The following SNX2 variants were observed in gnomAD, a reference collection of about 807,000 sequenced individuals.
The protein encoded by SNX2 is sorting nexin-2.
SNX2 carries 25 observed loss-of-function variants against 69.9 expected under a neutral mutation model. That is an observed-to-expected ratio of 0.36 (90% CI 0.26 to 0.50). SNX2 has a LOEUF of 0.50. Ranked by LOEUF, SNX2 falls within the 20% of genes least tolerant of loss-of-function variation. The pLI is 0.97. For missense variants in SNX2, 551 were observed against 613.3 expected, an observed-to-expected ratio of 0.90 and a Z score of 1.07; for synonymous variants, 229 against 200.4, an observed-to-expected ratio of 1.14 and a Z score of -1.20.
At chr5:122,821,987 T>C (rs1231743289) in intron 11 of SNX2, among the ~76,000 whole-genome samples, 4 of 152,200 alleles carry the variant, frequency 2.6e-5, no homozygotes, top group Admixed American at 2.0e-4. Flanking sequence ...TAAACCTACA[T>C]GTTTCTTTTT....
intron 7 of SNX2, among the ~76,000 whole-genome samples, chr5:122,815,252 A>G (rs1387728846): frequency 6.6e-6 from 1 of 152,112 alleles, no homozygotes; most frequent in African/African-American, 2.4e-5. Flanking sequence ...CGTTTATTTG[A>G]TTTTGTATGG....
chr5:122,806,171 C>T (rs191110947), intron 6 of SNX2, among the ~76,000 whole-genome samples: 6,959 of 146,646 alleles, frequency 0.047, 265 homozygotes, highest in Non-Finnish European at 0.076. Flanking sequence ...CACACACAGC[C>T]CACCATTCCA....
In SNX2 at chr5:122,820,713, A is replaced by G. The variant is rs563004212; in HGVS notation, c.1212+1690A>G. 3.7e-3 allele frequency among the ~76,000 whole-genome samples: 561 copies of G among 152,222 alleles called. 4 individuals are homozygous for G. The highest frequency in any genetic ancestry group is 0.012 in the African/African-American group (518 of 41,534). On this transcript the variant is annotated intron_variant, in intron 11 of 14. Coordinates refer to ENST00000379516, the MANE Select transcript of SNX2 (RefSeq NM_003100.4). ...ATTACAGTTATATTCATGTTTTCCA[A>G]AATATTTTCTATAGAACACTGGCAC...
At position 122,801,932 on chromosome 5, in the gene SNX2, G is replaced by A; in HGVS notation, c.454G>A (p.Val152Ile). ...IEIGVSDPEK[V>I]GDGMNAYMAY... ...AATTGGTGTATCAGATCCAGAAAAAGTTGGTGAGTCAATACTTATTATATT... is the reference window on the plus strand; with the variant it reads ...AATTGGTGTATCAGATCCAGAAAAAATTGGTGAGTCAATACTTATTATATT... The change falls in exon 4 of 15, where the codon GTT (valine) becomes ATT (isoleucine). Residue 152 changes from valine (V) to isoleucine (I), a missense_variant. By Grantham distance (29) the Val-to-Ile change is conservative (BLOSUM62 3). Transcript: ENST00000379516. 6.2e-7 allele frequency: 1 copy of A among 1,600,956 alleles called. No homozygotes were observed. The highest frequency in any genetic ancestry group is 8.5e-7 in the Non-Finnish European group (1 of 1,170,326).
chr5:122,804,031 C>T (rs1049109475), intron 6 of SNX2, among the ~76,000 whole-genome samples: 1 of 151,900 alleles, frequency 6.6e-6, no homozygotes, highest in Non-Finnish European at 1.5e-5. Flanking sequence ...TCCAGCTACT[C>T]GGTGGGCTGA....
At position 122,803,465 on chromosome 5, in the gene SNX2, C is replaced by T. The variant is rs770793417; in HGVS notation, c.502-7C>T. On this transcript the variant is annotated splice_region_variant and splice_polypyrimidine_tract_variant and intron_variant, in intron 5 of 14. Coordinates refer to ENST00000379516, the MANE Select transcript of SNX2 (RefSeq NM_003100.4). ...CAAAATTTGAAACACCTCTTCTTCA[C>T]TTGTAGACATCTCTTTCCATGTTCA... 6 of 1,602,982 alleles carry T rather than the reference C, an allele frequency of 3.7e-6. No homozygotes were observed. In the East Asian group the frequency reaches 1.1e-4, roughly 30 times the overall value.
At position 122,826,030 on chromosome 5, in the gene SNX2, A is replaced by T; in HGVS notation, c.1213-20A>T. 6.2e-7 allele frequency: 1 copy of T among 1,607,692 alleles called. No homozygotes were observed. Among genetic ancestry groups the T allele is most frequent in the Middle Eastern group, 1.7e-4 (1 of 6,030 alleles). The stretch of plus-strand genomic sequence containing the variant: ...TTAAATGTTACTCTTACTTAATAGC[A>T]TTATGTCATTCACTTATAGGGTGTG... On this transcript the variant is annotated intron_variant, in intron 11 of 14. Coordinates refer to ENST00000379516, the MANE Select transcript of SNX2 (RefSeq NM_003100.4).
Position 122,815,970 on chromosome 5 carries a change from A to G in SNX2, c.797A>G (p.Glu266Gly). 1 of 1,564,554 alleles carries G rather than the reference A, an allele frequency of 6.4e-7. No individual in the cohort carries two copies. Among genetic ancestry groups the G allele is most frequent in the Non-Finnish European group, 8.8e-7 (1 of 1,141,830 alleles). ...PDLRQFLESSELPRAVNTQAL... is the reference protein window; with the variant it reads ...PDLRQFLESSGLPRAVNTQAL... ...TTAAGGCAGTTCTTGGAAAGTTCAG[A>G]GGTATTATTTCTATATTAAATGTTT... Residue 266 changes from glutamate (E) to glycine (G), a missense_variant and splice_region_variant, in exon 8 of 15, where the codon GAG becomes GGG. Physicochemically the swap from Glu to Gly is moderately conservative, Grantham distance 98. Coordinates refer to ENST00000379516, the MANE Select transcript of SNX2 (RefSeq NM_003100.4).
chr5:122,829,917 AAT>A lies in SNX2; in HGVS notation c.*271_*272del, dbSNP rs573979439. The A allele has an allele frequency of 4.4e-3, 2,098 of 472,720 alleles. 10 individuals carry two copies. Among genetic ancestry groups the A allele is most frequent in the Admixed American group, 9.3e-3 (257 of 27,726 alleles). The allele number at this position is 472,720 out of a possible 1,614,324, so 29.3% of individuals were successfully genotyped here. ...CTGAATTGAACACTATTGTGTCTTA[AAT>A]ACTTGCACTAAATAGTGCACTGCAA... On this transcript the variant is annotated 3_prime_UTR_variant, in exon 15 of 15. Transcript: ENST00000379516.
chr5:122,801,375 T>A (rs1279886645), intron 3 of SNX2, among the ~76,000 whole-genome samples: 1 of 152,024 alleles, frequency 6.6e-6, no homozygotes, highest in Non-Finnish European at 1.5e-5. Flanking sequence ...GAGACCGAGG[T>A]GGGCAGATCA....
chr5:122,793,446 A>G (rs1215457064), intron 1 of SNX2, among the ~76,000 whole-genome samples: 4 of 152,190 alleles, frequency 2.6e-5, no homozygotes, highest in African/African-American at 9.6e-5. Context: ...AGAAGCCCGC[A>G]TGGTAAAGAA....
At position 122,827,431 on chromosome 5, in the gene SNX2, C is replaced by T. The variant is rs149951629; in HGVS notation, c.1409C>T (p.Thr470Met). 28 of 1,613,326 alleles carry T rather than the reference C, an allele frequency of 1.7e-5. No homozygotes were observed. In the East Asian group the frequency reaches 5.1e-4, roughly 30 times the overall value. Reference protein sequence around the residue: ...GERDFEQISKTIRKEVGRFEK... With the variant: ...GERDFEQISKMIRKEVGRFEK... ...AGAGATTTTGAACAGATATCTAAAA[C>T]GATTCGAAAAGAAGTGGGAAGATTT... The change falls in exon 13 of 15, where the codon ACG (threonine) becomes ATG (methionine). Residue 470 changes from threonine to methionine, a missense_variant. Physicochemically the swap from Thr to Met is moderately conservative, Grantham distance 81. Transcript: ENST00000379516.
chr5:122,776,144 G>A (rs948355411), intron 1 of SNX2, among the ~76,000 whole-genome samples: 1 of 152,140 alleles, frequency 6.6e-6, no homozygotes, highest in African/African-American at 2.4e-5. Flanking sequence ...CCAGAGGATT[G>A]TTTACTGTGG....
intron 1 of SNX2, among the ~76,000 whole-genome samples, chr5:122,780,407 A>G (rs1198221311): frequency 1.3e-5 from 2 of 152,202 alleles, no homozygotes; most frequent in South Asian, 2.1e-4. Context: ...ACTTGATTGC[A>G]TAGAGATGAT....
chr5:122,804,928 TA>T (rs1753602706), intron 6 of SNX2, among the ~76,000 whole-genome samples: 1 of 152,134 alleles, frequency 6.6e-6, no homozygotes, highest in Non-Finnish European at 1.5e-5. Context: ...TCTTTATACT[TA>T]GATTAATCTG....
chr5:122,793,442 C>T (rs1338714602), intron 1 of SNX2, among the ~76,000 whole-genome samples: 2 of 152,036 alleles, frequency 1.3e-5, no homozygotes, highest in Non-Finnish European at 2.9e-5. Context: ...TGGTAGAAGC[C>T]CGCATGGTAA....
intron 1 of SNX2, among the ~76,000 whole-genome samples, chr5:122,787,197 T>C (rs985808977): frequency 3.3e-5 from 5 of 152,118 alleles, no homozygotes; most frequent in African/African-American, 1.2e-4. Flanking sequence ...AGGACAAAGA[T>C]AAGTAGGTTT....
chr5:122,800,709 T>C (rs988969984), intron 3 of SNX2, among the ~76,000 whole-genome samples: 2 of 152,194 alleles, frequency 1.3e-5, no homozygotes, highest in African/African-American at 2.4e-5. Flanking sequence ...TTATATACTT[T>C]TTATGTAATG....
intron 7 of SNX2, among the ~76,000 whole-genome samples, chr5:122,814,995 C>T (rs182969700): frequency 0.015 from 2,264 of 152,188 alleles, 21 homozygotes; most frequent in Non-Finnish European, 0.019. Flanking sequence ...GTGATCCACC[C>T]GCCTCGGCCT....
Sources: gnomAD v4.1 joint callset for allele counts (sites outside exome capture counted in the v4.1 genomes callset) on GRCh38, gnomAD v4.1.1 for gene constraint, MANE v1.5 for transcripts, NCBI Gene and HGNC (gene_info 2026-07-23, HGNC 2026-07-21) for gene names.